PCNX2: variants seen among roughly 807,000 people sequenced by gnomAD.
The protein encoded by PCNX2 is pecanex 2.
A neutral mutation model predicts 223.8 loss-of-function variants in PCNX2; 168 were observed. That is an observed-to-expected ratio of 0.75 (90% CI 0.66 to 0.85). The LOEUF is 0.85. Ranked by LOEUF, PCNX2 falls within the 40% of genes least tolerant of loss-of-function variation. The pLI, the probability that PCNX2 is intolerant of heterozygous loss-of-function variation, is 0.00. For synonymous variants in PCNX2, 1,006 were observed against 1,052.6 expected, an observed-to-expected ratio of 0.96 and a Z score of 0.86; for missense variants, 2,507 against 2,675.5, an observed-to-expected ratio of 0.94 and a Z score of 1.39.
At position 232,984,032 on chromosome 1, in the gene PCNX2, G is replaced by C; in HGVS notation, c.*272C>G. 1 of 323,652 alleles carries C rather than the reference G, an allele frequency of 3.1e-6. No individual in the cohort carries two copies. Among genetic ancestry groups the C allele is most frequent in the Non-Finnish European group, 5.6e-6 (1 of 179,428 alleles). The allele number at this position is 323,652 out of a possible 1,614,324, so 20.0% of individuals were successfully genotyped here. ...CTCTGGGCAGCGCTGTGCCTGGCCA[G>C]GGAGGTGTGGTGTGGCTTCTTTGTT... On this transcript the variant is annotated 3_prime_UTR_variant, in exon 34 of 34. Transcript: ENST00000258229.
At chr1:233,259,852 T>A in intron 4 of PCNX2, 2 of 897,876 alleles carry the variant, frequency 2.2e-6, no homozygotes, top group Non-Finnish European at 1.3e-6. Flanking sequence ...CACTGTGAAA[T>A]TATTCTTGAA....
the PCNX2 span, among the ~76,000 whole-genome samples, chr1:233,311,249 T>C: frequency 6.6e-6 from 1 of 152,150 alleles, no homozygotes. Context: ...ACTAATATAA[T>C]AAAACCTAAA....
At position 233,288,923 on chromosome 1, in the gene PCNX2, A is replaced by C. The variant is rs894636560; in HGVS notation, c.153+6403T>G. 13 of 1,480,036 alleles carry C rather than the reference A, an allele frequency of 8.8e-6. No individual in the cohort carries two copies. In the Admixed American group the frequency reaches 2.0e-4, roughly 23 times the overall value. 91.7% of individuals were successfully genotyped at this position (1,480,036 alleles called of 1,614,324 possible). On this transcript the variant is annotated intron_variant, in intron 1 of 33. Coordinates refer to ENST00000258229, the MANE Select transcript of PCNX2 (RefSeq NM_014801.4). ...CCTTGCCCATGAGCTTCTTATAGAC[A>C]CCAGAAAAAGTTTCAACCTTGTGTT...
intron 28 of PCNX2, among the ~76,000 whole-genome samples, chr1:233,012,614 T>C (rs1366770618): frequency 6.6e-6 from 1 of 152,000 alleles, no homozygotes; most frequent in East Asian, 1.9e-4. Flanking sequence ...TGAGAAACTA[T>C]CTGAAATAAA....
At position 233,087,245 on chromosome 1, in the gene PCNX2, G is replaced by A. The variant is rs1033774378; in HGVS notation, c.4076+2816C>T. ...ATCTGCAATAAAAACCAAGGGACTG[G>A]AAAGTGAGGGAGCAGAGGTGAAAAG... On this transcript the variant is annotated intron_variant, in intron 23 of 33. Coordinates refer to ENST00000258229, the MANE Select transcript of PCNX2 (RefSeq NM_014801.4). 4.1e-6 allele frequency: 4 copies of A among 977,466 alleles called. No individual in the cohort carries two copies. The African/African-American group carries it at 7.0e-5, about 17-fold the overall frequency. The allele number at this position is 977,466 out of a possible 1,614,324, so 60.5% of individuals were successfully genotyped here.
intron 15 of PCNX2, among the ~76,000 whole-genome samples, chr1:233,189,267 G>C (rs1041355962): frequency 1.2e-4 from 18 of 152,220 alleles, no homozygotes; most frequent in Admixed American, 1.1e-3. Context: ...ATTACATGGA[G>C]ATATAGTAAG....
intron 17 of PCNX2, among the ~76,000 whole-genome samples, chr1:233,168,387 A>G (rs1189724410): frequency 6.6e-6 from 1 of 152,062 alleles, no homozygotes; most frequent in African/African-American, 2.4e-5. Flanking sequence ...TTCTATGCAT[A>G]TTTTATAAGT....
chr1:233,191,081 C>A (rs1680395983), intron 15 of PCNX2, among the ~76,000 whole-genome samples: 1 of 152,176 alleles, frequency 6.6e-6, no homozygotes. Flanking sequence ...ATACCAGATT[C>A]TTCAGTAGTT....
chr1:233,091,767 T>TC (rs1451013197), intron 22 of PCNX2, among the ~76,000 whole-genome samples: 7 of 150,998 alleles, frequency 4.6e-5, no homozygotes, highest in Non-Finnish European at 7.4e-5. Context: ...TTTTTTTTTT[T>TC]CAAGAGTGAC....
intron 12 of PCNX2, chr1:233,211,922 T>A: frequency 1.8e-6 from 1 of 550,236 alleles, no homozygotes; most frequent in Non-Finnish European, 2.3e-6. Context: ...TTGCGGAAGG[T>A]GTCGAAAACC....
In PCNX2 at chr1:233,295,466, C is replaced by A. The variant is rs923017194; in HGVS notation, c.13G>T (p.Val5Leu). The change falls in exon 1 of 34, where the codon GTG (valine) becomes TTG (leucine). Residue 5 changes from valine to leucine, a missense_variant. By Grantham distance (32) the Val-to-Leu change is conservative (BLOSUM62 1). This residue lies in a region of PCNX2 where 1,031 missense variants were observed against 1,021.7 expected (regional missense o/e 1.01). Coordinates refer to ENST00000258229, the MANE Select transcript of PCNX2 (RefSeq NM_014801.4). This position sits in a 1 kb window ranked among gnomAD's most constrained non-coding sequence, Gnocchi z 4.1. ...ACGCCCTGCCGGAGCAGCTGCAGCACCTGGGACACCATGCCGGCTGCGCCC... is the reference window on the plus strand; with the variant it reads ...ACGCCCTGCCGGAGCAGCTGCAGCAACTGGGACACCATGCCGGCTGCGCCC... MVSQ[V>L]LQLLRQGVWA... The A allele has an allele frequency of 4.5e-6, 7 of 1,549,024 alleles. No individual in the cohort carries two copies. The highest frequency in any genetic ancestry group is 6.1e-6 in the Non-Finnish European group (7 of 1,146,116).
chr1:233,226,768 G>A (rs907633519), intron 10 of PCNX2, among the ~76,000 whole-genome samples: 1 of 152,024 alleles, frequency 6.6e-6, no homozygotes, highest in Admixed American at 6.6e-5. Context: ...AAGGTGTCCG[G>A]GAAAGAGGCA....
intron 23 of PCNX2, among the ~76,000 whole-genome samples, chr1:233,066,053 A>G (rs1672594083): frequency 6.6e-6 from 1 of 152,142 alleles, no homozygotes; most frequent in Admixed American, 6.5e-5. Context: ...AAAACCCTGG[A>G]CTCAGCCACA....
At chr1:233,074,815 G>C (rs977890262) in intron 23 of PCNX2, among the ~76,000 whole-genome samples, 2 of 151,938 alleles carry the variant, frequency 1.3e-5, no homozygotes, top group African/African-American at 4.8e-5. Context: ...ATATGCTCAA[G>C]AAAAGATAAT....
Position 233,154,623 on chromosome 1 carries a change from G to A in PCNX2, c.3517+5660C>T, listed in dbSNP as rs142726797. On this transcript the variant is annotated intron_variant, in intron 19 of 33. Coordinates refer to ENST00000258229, the MANE Select transcript of PCNX2 (RefSeq NM_014801.4). ...TATCTGCCATGCACCAGATATCAAC[G>A]CAACATTTAATTATATAATTCCATA... Among the ~76,000 whole-genome samples, 416 of 152,188 alleles carry A rather than the reference G, an allele frequency of 2.7e-3. 1 individual carries two copies. Among genetic ancestry groups the A allele is most frequent in the Middle Eastern group, 0.01 (3 of 294 alleles).
In PCNX2 at chr1:232,990,555, C is replaced by G. The variant is rs952413014; in HGVS notation, c.5792-4015G>C. Among the ~76,000 whole-genome samples, 3 of 152,200 alleles carry G rather than the reference C, an allele frequency of 2.0e-5. No individual in the cohort carries two copies. The highest frequency in any genetic ancestry group is 7.2e-5 in the African/African-American group (3 of 41,452). ...GACCCAAGGGCTTTGCACCCTCGCC[C>G]TCTAGGGAAGCTGTAGTGTAAGTGG... On this transcript the variant is annotated intron_variant, in intron 32 of 33. Coordinates refer to ENST00000258229, the MANE Select transcript of PCNX2 (RefSeq NM_014801.4). The surrounding 1 kb of genome is among the most constrained non-coding windows in gnomAD (Gnocchi z 4.3).
intron 26 of PCNX2, among the ~76,000 whole-genome samples, chr1:233,022,693 TTC>T (rs1670936759): frequency 2.4e-5 from 3 of 127,062 alleles, no homozygotes; most frequent in Admixed American, 2.3e-4. Context: ...TTCTTTTTCT[TTC>T]TTTTTTTTTT....
At chr1:233,067,474 G>A (rs1672668360) in intron 23 of PCNX2, among the ~76,000 whole-genome samples, 1 of 136,990 alleles carries the variant, frequency 7.3e-6, no homozygotes, top group Admixed American at 7.9e-5. Flanking sequence ...GAAAAATACA[G>A]TAACTAATTT....
chr1:233,057,375 G>A, intron 23 of PCNX2, 85 bp from the exon 24 acceptor site: 5 of 1,049,374 alleles, frequency 4.8e-6, no homozygotes, highest in Non-Finnish European at 7.3e-6. Flanking sequence ...CTGCATGAGT[G>A]GAAAATGCAA....
Sources: allele counts gnomAD v4.1 joint callset (sites outside exome capture counted in the v4.1 genomes callset), GRCh38; gene constraint gnomAD v4.1.1; regional missense constraint gnomAD v4.1.1; non-coding constraint Gnocchi (gnomAD v3.1); transcripts MANE v1.5; gene names NCBI Gene and HGNC (gene_info 2026-07-23, HGNC 2026-07-21).